The following LSAMP variants were observed in gnomAD, a reference collection of about 807,000 sequenced individuals.
The protein encoded by LSAMP is limbic system associated membrane protein, also known as limbic system-associated membrane protein.
Under a neutral mutation model 38.6 loss-of-function variants are expected in LSAMP, and 7 were observed. The observed-to-expected ratio is 0.18, with a 90% CI of 0.10 to 0.34. The LOEUF is 0.34. Among genes scored for constraint, LSAMP ranks in the 10% least tolerant of loss-of-function variants. The pLI is 1.00. For missense variants in LSAMP, 313 were observed against 420.0 expected (o/e 0.75, Z 2.23); for synonymous variants, 154 against 166.8 (o/e 0.92, Z 0.59).
At chr3:116,032,467 T>C (rs1337750257) in intron 2 of LSAMP, among the ~76,000 whole-genome samples, 1 of 152,110 alleles carries the variant, frequency 6.6e-6, no homozygotes, top group Admixed American at 6.5e-5. Flanking sequence ...CCAGTTCTTT[T>C]GATTATGTCA....
chr3:116,348,154 T>C (rs377402765), intron 1 of LSAMP, among the ~76,000 whole-genome samples: 1 of 152,002 alleles, frequency 6.6e-6, no homozygotes, highest in African/African-American at 2.4e-5. Flanking sequence ...TTATTCACGA[T>C]AGGTTGGCAA....
rs919509773 is a variant in LSAMP at position 116,356,922 on chromosome 3, T to G, written c.155+87955A>C. 5.3e-5 allele frequency among the ~76,000 whole-genome samples: 8 copies of G among 152,192 alleles called. No individual in the cohort carries two copies. In the East Asian group the frequency reaches 1.2e-3, roughly 22 times the overall value. Reference sequence around the variant, plus strand: ...CATTCTCCTGCCTCAGCCTCCCGAGTAGCTGGGACTACAGGCGCCCGCCAC... The same window carrying G: ...CATTCTCCTGCCTCAGCCTCCCGAGGAGCTGGGACTACAGGCGCCCGCCAC... On this transcript the variant is annotated intron_variant, in intron 1 of 6. Transcript: ENST00000490035.
intron 6 of LSAMP, among the ~76,000 whole-genome samples, chr3:115,825,103 C>T (rs992751865): frequency 1.1e-4 from 16 of 152,046 alleles, no homozygotes; most frequent in South Asian, 2.1e-4. Flanking sequence ...TAACATGAAA[C>T]GAGGTAACTG....
At chr3:116,411,275 G>A (rs539731908) in intron 1 of LSAMP, among the ~76,000 whole-genome samples, 1 of 152,018 alleles carries the variant, frequency 6.6e-6, no homozygotes, top group Non-Finnish European at 1.5e-5. Flanking sequence ...CCCATTACTG[G>A]GTATATACCC....
intron 1 of LSAMP, among the ~76,000 whole-genome samples, chr3:116,323,761 A>G (rs544093828): frequency 3.5e-4 from 53 of 152,210 alleles, no homozygotes; most frequent in Non-Finnish European, 6.5e-4. Context: ...ATGGCCCTCA[A>G]AAACTTTTAG....
intron 1 of LSAMP, among the ~76,000 whole-genome samples, chr3:116,121,492 G>T (rs990156730): frequency 9.9e-5 from 15 of 152,134 alleles, no homozygotes; most frequent in Non-Finnish European, 2.1e-4. Context: ...TGGCAATGTT[G>T]GTTTGGGAAC....
At chr3:116,115,161 A>C (rs1452199057) in intron 1 of LSAMP, among the ~76,000 whole-genome samples, 1 of 152,272 alleles carries the variant, frequency 6.6e-6, no homozygotes, top group Non-Finnish European at 1.5e-5. Flanking sequence ...TCTTGAAATA[A>C]GCCAATACAT....
rs1933791705 is a variant in LSAMP at position 115,810,564 on chromosome 3, C to T, written c.920-150G>A. On this transcript the variant is annotated intron_variant, in intron 6 of 6. Transcript: ENST00000490035. ...ACTTATGTGCAGCCCAAGAAGCGCT[C>T]AAAACTTTTCTAAATCCTTCTCCTC... 5 of 668,916 alleles carry T rather than the reference C, an allele frequency of 7.5e-6. No homozygotes were observed. In the Admixed American group the frequency reaches 1.4e-4, roughly 19 times the overall value. 41.4% of individuals were successfully genotyped at this position (668,916 alleles called of 1,614,324 possible).
At chr3:116,113,812 T>G (rs1708684571) in intron 1 of LSAMP, among the ~76,000 whole-genome samples, 1 of 152,168 alleles carries the variant, frequency 6.6e-6, no homozygotes, top group Non-Finnish European at 1.5e-5. Flanking sequence ...ATTATTATAT[T>G]TACTACTCAC....
intron 1 of LSAMP, among the ~76,000 whole-genome samples, chr3:116,096,700 T>G (rs931849060): frequency 6.6e-6 from 1 of 152,228 alleles, no homozygotes; most frequent in Non-Finnish European, 1.5e-5. Flanking sequence ...CTCTCTAGGA[T>G]AGCTGAAATA....
rs180989689 is a variant in LSAMP at position 116,007,033 on chromosome 3, T to A, written c.514+12482A>T. ...TGTCATTCAAAGAGTGACATTTTAG[T>A]TTTTGTTACTAGAATACCTTAAAGA... is the stretch of plus-strand genomic sequence containing the variant. On this transcript the variant is annotated intron_variant, in intron 3 of 6. Transcript: ENST00000490035. Among the ~76,000 whole-genome samples, 352 of 152,312 alleles carry A rather than the reference T, an allele frequency of 2.3e-3. 2 individuals carry two copies. The highest frequency in any genetic ancestry group is 8.1e-3 in the African/African-American group (337 of 41,568).
intron 1 of LSAMP, among the ~76,000 whole-genome samples, chr3:116,144,395 T>C (rs1022831578): frequency 6.6e-6 from 1 of 151,762 alleles, no homozygotes; most frequent in African/African-American, 2.4e-5. Flanking sequence ...TGGTGGTGCA[T>C]GCCAAAGGTC....
intron 2 of LSAMP, among the ~76,000 whole-genome samples, chr3:116,034,677 A>G (rs1941008615): frequency 1.3e-5 from 2 of 152,124 alleles, no homozygotes; most frequent in South Asian, 4.1e-4. Context: ...CTTTTTCATT[A>G]ATTATACAGC....
chr3:116,115,804 C>G (rs1392871956), intron 1 of LSAMP, among the ~76,000 whole-genome samples: 3 of 151,902 alleles, frequency 2.0e-5, no homozygotes, highest in Non-Finnish European at 4.4e-5. Flanking sequence ...AAAATGATTT[C>G]TGGTCCTTTG....
At chr3:115,874,492 A>G (rs1170265591) in intron 3 of LSAMP, among the ~76,000 whole-genome samples, 2 of 152,132 alleles carry the variant, frequency 1.3e-5, no homozygotes, top group African/African-American at 4.8e-5. Context: ...CTCCCCAGCT[A>G]TACCATAAGA....
chr3:116,095,143 G>A (rs959692375), intron 1 of LSAMP, among the ~76,000 whole-genome samples: 6 of 152,170 alleles, frequency 3.9e-5, no homozygotes, highest in Non-Finnish European at 8.8e-5. Context: ...GATCAATCAT[G>A]TATTTCTCTA....
Position 115,997,289 on chromosome 3 carries a change from C to T in LSAMP, c.514+22226G>A, listed in dbSNP as rs145800161. Among the ~76,000 whole-genome samples, 1,168 of 151,996 alleles carry T rather than the reference C, an allele frequency of 7.7e-3. 11 individuals carry two copies. Among genetic ancestry groups the T allele is most frequent in the African/African-American group, 0.025 (1,030 of 41,438 alleles). The stretch of plus-strand genomic sequence containing the variant: ...TGTAGTAGTATCACTGAGGGTAAAG[C>T]GGTGAATAAGATGGACAATGTACAT... On this transcript the variant is annotated intron_variant, in intron 3 of 6. Coordinates refer to ENST00000490035, the MANE Select transcript of LSAMP (RefSeq NM_002338.5).
chr3:115,975,964 C>T (rs1416940261), intron 3 of LSAMP, among the ~76,000 whole-genome samples: 2 of 152,152 alleles, frequency 1.3e-5, no homozygotes, highest in African/African-American at 4.8e-5. Context: ...TGAAACCTTA[C>T]AGGGAACTTT....
intron 2 of LSAMP, among the ~76,000 whole-genome samples, chr3:116,028,974 A>G (rs371389682): frequency 2.6e-4 from 40 of 152,258 alleles, no homozygotes; most frequent in African/African-American, 9.4e-4. Flanking sequence ...GTGACACAAA[A>G]ATGCAAGAAT....
Sources: allele counts gnomAD v4.1 joint callset (sites outside exome capture counted in the v4.1 genomes callset), GRCh38; gene constraint gnomAD v4.1.1; transcripts MANE v1.5; gene names NCBI Gene and HGNC (gene_info 2026-07-23, HGNC 2026-07-21).